UNC5B: variants seen among roughly 807,000 people sequenced by gnomAD.
UNC5B encodes unc-5 netrin receptor B, also known as netrin receptor UNC5B.
A neutral mutation model predicts 103.7 loss-of-function variants in UNC5B; 56 were observed. The ratio of observed to expected loss-of-function variants is 0.54; its 90% CI spans 0.44 to 0.67. UNC5B has a LOEUF of 0.67. UNC5B is among the 30% of genes least tolerant of loss of function. The pLI is 0.00. For missense variants in UNC5B, 1,194 were observed against 1,284.5 expected (o/e 0.93, Z 1.08); for synonymous variants, 577 against 542.0 (o/e 1.06, Z -0.90).
At chr10:71,245,691 T>G (rs932318583) in intron 1 of UNC5B, among the ~76,000 whole-genome samples, 8 of 152,206 alleles carry the variant, frequency 5.3e-5, no homozygotes, top group African/African-American at 1.4e-4. Flanking sequence ...GTCCTAGATC[T>G]GCTCTGTGGG....
At chr10:71,248,370 C>T (rs1008280766) in intron 1 of UNC5B, among the ~76,000 whole-genome samples, 6 of 152,240 alleles carry the variant, frequency 3.9e-5, no homozygotes, top group South Asian at 2.1e-4. Context: ...GAAAAGCCCC[C>T]CGCACCTCCA....
In UNC5B at chr10:71,291,661, T is replaced by C. The variant is rs1229573664; in HGVS notation, c.1524T>C (p.Pro508=). The C allele has an allele frequency of 4.3e-6, 7 of 1,613,862 alleles. No individual in the cohort carries two copies. The highest frequency in any genetic ancestry group is 1.1e-5 in the South Asian group (1 of 91,078). ...CTGACCTGCTGGGGGTCTTGCCGCC[T>C]GGCACATACCCTAGCGATTTCGCCC... ...DGADLLGVLP[P]GTYPSDFARD... The change falls in exon 10 of 17, where the codon CCT becomes CCC. Residue 508 remains proline, a synonymous_variant. Coordinates refer to ENST00000335350, the MANE Select transcript of UNC5B (RefSeq NM_170744.5).
At chr10:71,226,221 C>T (rs540207452) in intron 1 of UNC5B, among the ~76,000 whole-genome samples, 34 of 152,184 alleles carry the variant, frequency 2.2e-4, no homozygotes, top group Non-Finnish European at 4.4e-4. Context: ...ATTACAGGCG[C>T]CCGCCACCAC....
chr10:71,249,284 G>T (rs1844120218), intron 1 of UNC5B, among the ~76,000 whole-genome samples: 1 of 152,200 alleles, frequency 6.6e-6, no homozygotes, highest in Non-Finnish European at 1.5e-5. Context: ...CAGTAACCTG[G>T]CATGGCCTAA....
intron 1 of UNC5B, among the ~76,000 whole-genome samples, chr10:71,248,131 A>G (rs1425356532): frequency 6.6e-6 from 1 of 152,048 alleles, no homozygotes; most frequent in Non-Finnish European, 1.5e-5. Flanking sequence ...CACCCTGGGA[A>G]CCATCCAAGC....
chr10:71,212,862 C>T lies in UNC5B; in HGVS notation c.-124C>T, dbSNP rs1040932373. 1.9e-4 allele frequency: 145 copies of T among 783,668 alleles called. No individual in the cohort carries two copies. The East Asian group carries it at 4.7e-3, about 25-fold the overall frequency. 48.5% of individuals were successfully genotyped at this position (783,668 alleles called of 1,614,324 possible). ...CCGCTGCCCCCACGGAAGGCACGGGCTGGCGCTGCCGGGCGCCGGGGAGGA... is the reference window on the plus strand; with the variant it reads ...CCGCTGCCCCCACGGAAGGCACGGGTTGGCGCTGCCGGGCGCCGGGGAGGA... On this transcript the variant is annotated 5_prime_UTR_variant, in exon 1 of 17. Transcript: ENST00000335350.
chr10:71,218,169 G>C (rs1400033535), intron 1 of UNC5B: 2 of 152,772 alleles, frequency 1.3e-5, no homozygotes, highest in Non-Finnish European at 2.9e-5. Context: ...TGTCAGGTGT[G>C]TGTGGGGGCG....
At chr10:71,247,601 G>A (rs1844066981) in intron 1 of UNC5B, among the ~76,000 whole-genome samples, 1 of 152,186 alleles carries the variant, frequency 6.6e-6, no homozygotes, top group South Asian at 2.1e-4. Context: ...CCTGGCCCCA[G>A]CTGAGTTGGA....
At position 71,274,171 on chromosome 10, in the gene UNC5B, G is replaced by C. The variant is rs558989877; in HGVS notation, c.80-5650G>C. Among the ~76,000 whole-genome samples the C allele has an allele frequency of 4.6e-5, 7 of 152,248 alleles. No homozygotes were observed. The South Asian group carries it at 1.2e-3, about 27-fold the overall frequency. Reference sequence around the variant, plus strand: ...AGATCAGGAGTTCAAGACCAGCCTGGCCAAGATAGTGAAACCCTGTCTCTA... The same window carrying C: ...AGATCAGGAGTTCAAGACCAGCCTGCCCAAGATAGTGAAACCCTGTCTCTA... On this transcript the variant is annotated intron_variant, in intron 1 of 16. Transcript: ENST00000335350.
intron 1 of UNC5B, among the ~76,000 whole-genome samples, chr10:71,241,241 TA>T (rs1843893799): frequency 6.6e-6 from 1 of 152,170 alleles, no homozygotes; most frequent in Non-Finnish European, 1.5e-5. Context: ...TGATTCACTT[TA>T]GCTAGAGGAG....
intron 1 of UNC5B, among the ~76,000 whole-genome samples, chr10:71,266,664 G>C (rs10762432): frequency 0.67 from 102,625 of 152,088 alleles, 38,273 homozygotes; most frequent in Non-Finnish European, 0.83. Context: ...TGGGGCAGGG[G>C]TGGAGGTGAG....
At position 71,296,672 on chromosome 10, in the gene UNC5B, C is replaced by A; in HGVS notation, c.2420C>A (p.Thr807Asn). Residue 807 changes from threonine (T) to asparagine (N), a missense_variant, in exon 15 of 17, where the codon ACC (threonine) becomes AAC (asparagine). By Grantham distance (65) the Thr-to-Asn change is moderately conservative. Coordinates refer to ENST00000335350, the MANE Select transcript of UNC5B (RefSeq NM_170744.5). The part of the protein sequence containing the change: ...ERHSLASTEL[T>N]CKICVRQVEG... ...CACAGCTTGGCCTCCACAGAGCTCA[C>A]CTGCAAGATCTGCGTGCGGCAAGTG... is the stretch of plus-strand genomic sequence containing the variant. 6.2e-7 allele frequency: 1 copy of A among 1,614,178 alleles called. No homozygotes were observed. The highest frequency in any genetic ancestry group is 8.5e-7 in the Non-Finnish European group (1 of 1,180,046).
At chr10:71,298,586 G>A (rs1213763620) in intron 16 of UNC5B, among the ~76,000 whole-genome samples, 1 of 151,506 alleles carries the variant, frequency 6.6e-6, no homozygotes, top group Non-Finnish European at 1.5e-5. Flanking sequence ...TGAAAGATGT[G>A]TAATAAACCT....
chr10:71,261,833 G>C (rs1380298082), intron 1 of UNC5B, among the ~76,000 whole-genome samples: 2 of 152,078 alleles, frequency 1.3e-5, no homozygotes, highest in Non-Finnish European at 2.9e-5. Flanking sequence ...CTGTCCACAG[G>C]GTTGCTGTGC....
intron 15 of UNC5B, among the ~76,000 whole-genome samples, chr10:71,297,015 T>A (rs1287526948): frequency 7.1e-6 from 1 of 140,144 alleles, no homozygotes; most frequent in Non-Finnish European, 1.6e-5. Flanking sequence ...GGCCAGATAT[T>A]CCGGCTGCAC....
intron 1 of UNC5B, among the ~76,000 whole-genome samples, chr10:71,259,642 T>C (rs544348742): frequency 6.6e-6 from 1 of 152,294 alleles, no homozygotes; most frequent in Non-Finnish European, 1.5e-5. Context: ...CTGTGCTTGA[T>C]ACATTCACAT....
At chr10:71,243,157 C>T (rs1320944078) in intron 1 of UNC5B, among the ~76,000 whole-genome samples, 1 of 152,142 alleles carries the variant, frequency 6.6e-6, no homozygotes, top group Non-Finnish European at 1.5e-5. Flanking sequence ...ATTGCTTGAA[C>T]CCAGGAGGCG....
chr10:71,268,787 C>T (rs985941102), intron 1 of UNC5B, among the ~76,000 whole-genome samples: 2 of 152,178 alleles, frequency 1.3e-5, no homozygotes, highest in Admixed American at 6.5e-5. Context: ...TGGCCTCGTC[C>T]GGGCAGCCCC....
chr10:71,274,331 G>A (rs576380713), intron 1 of UNC5B, among the ~76,000 whole-genome samples: 125 of 152,120 alleles, frequency 8.2e-4, no homozygotes, highest in African/African-American at 2.9e-3. Context: ...CTGCACTCCA[G>A]CTGGGCCACA....
Sources: allele counts gnomAD v4.1 joint callset (sites outside exome capture counted in the v4.1 genomes callset), GRCh38; gene constraint gnomAD v4.1.1; transcripts MANE v1.5; gene names NCBI Gene and HGNC (gene_info 2026-07-23, HGNC 2026-07-21).